The following HS6ST3 variants were observed in gnomAD, a reference collection of about 807,000 sequenced individuals.
HS6ST3 encodes the protein heparan sulfate 6-O-sulfotransferase 3.
HS6ST3 carries 12 observed loss-of-function variants against 36.7 expected under a neutral mutation model. The ratio of observed to expected loss-of-function variants is 0.33; its 90% CI spans 0.21 to 0.53. HS6ST3 has a LOEUF of 0.53. Ranked by LOEUF, HS6ST3 falls within the 20% of genes least tolerant of loss-of-function variation. HS6ST3 has a pLI of 0.95. For missense variants in HS6ST3, 584 were observed against 640.9 expected (o/e 0.91, Z 0.96); for synonymous variants, 240 against 257.5 (o/e 0.93, Z 0.65).
intron 1 of HS6ST3, among the ~76,000 whole-genome samples, chr13:96,159,789 A>C (rs1007355080): frequency 6.6e-6 from 1 of 152,208 alleles, no homozygotes; most frequent in South Asian, 2.1e-4. Flanking sequence ...TCAATCTGAT[A>C]ATAAGGCTAA....
intron 1 of HS6ST3, among the ~76,000 whole-genome samples, chr13:96,496,888 C>T (rs2055979692): frequency 6.6e-6 from 1 of 152,040 alleles, no homozygotes; most frequent in African/African-American, 2.4e-5. Flanking sequence ...AAAGCCAGGA[C>T]CAGACATAAC....
intron 1 of HS6ST3, among the ~76,000 whole-genome samples, chr13:96,112,793 T>C (rs375773129): frequency 2.2e-4 from 33 of 149,754 alleles, no homozygotes; most frequent in African/African-American, 7.6e-4. Context: ...GTGAAACATG[T>C]ATAGTGAAGA....
chr13:96,742,852 G>A (rs1876476441), intron 1 of HS6ST3, among the ~76,000 whole-genome samples: 1 of 152,076 alleles, frequency 6.6e-6, no homozygotes, highest in African/African-American at 2.4e-5. Flanking sequence ...TTTCGCTATA[G>A]CTCATGAATG....
rs76355416 is a variant in HS6ST3, at chr13:96,351,334, T to A, written c.707+259765T>A. Among the ~76,000 whole-genome samples the A allele has an allele frequency of 4.0e-3, 166 of 41,756 alleles. 3 individuals are homozygous for A. The highest frequency in any genetic ancestry group is 0.029 in the East Asian group (45 of 1,572). 27.4% of individuals were successfully genotyped at this position (41,756 alleles called of 152,430 possible). A position where few individuals can be genotyped will look rare whatever the true frequency, so the allele number is the denominator to read the frequency against. ...AAGGTGGCAGTCTTTTTTTTTTTTT[T>A]TAAAAAAAACAAGGTCTTGCTGGGT... On this transcript the variant is annotated intron_variant, in intron 1 of 1. Transcript: ENST00000376705.
At position 96,117,429 on chromosome 13, in the gene HS6ST3, C is replaced by T. The variant is rs763749825; in HGVS notation, c.707+25860C>T. Among the ~76,000 whole-genome samples the T allele has an allele frequency of 5.3e-5, 8 of 151,986 alleles. No homozygotes were observed. In the East Asian group the frequency reaches 7.7e-4, roughly 15 times the overall value. Reference sequence around the variant, plus strand: ...AAATAAAGAAAACCAGTTGTAATTGCGAAAGTATTTTAACACCAAAGAGGA... The same window carrying T: ...AAATAAAGAAAACCAGTTGTAATTGTGAAAGTATTTTAACACCAAAGAGGA... On this transcript the variant is annotated intron_variant, in intron 1 of 1. Coordinates refer to ENST00000376705, the MANE Select transcript of HS6ST3 (RefSeq NM_153456.4).
chr13:96,799,970 A>ATATATATATG (rs1878013682), intron 1 of HS6ST3, among the ~76,000 whole-genome samples: 1 of 92,632 alleles, frequency 1.1e-5, no homozygotes, highest in Non-Finnish European at 2.1e-5. Context: ...ATATGTGTAT[A>ATATATATATG]TATATATATA....
chr13:96,385,180 C>CA (rs11317656), intron 1 of HS6ST3, among the ~76,000 whole-genome samples: 38,135 of 126,928 alleles, frequency 0.3, 5,909 homozygotes, highest in Non-Finnish European at 0.39. Flanking sequence ...ACTCTGTATC[C>CA]AAAAAAAAAA....
At chr13:96,113,006 T>C (rs2053877988) in intron 1 of HS6ST3, among the ~76,000 whole-genome samples, 2 of 152,040 alleles carry the variant, frequency 1.3e-5, no homozygotes, top group Admixed American at 1.3e-4. Flanking sequence ...ACAGCTCTCT[T>C]CTGTCTTGGG....
intron 1 of HS6ST3, among the ~76,000 whole-genome samples, chr13:96,242,739 T>TA: frequency 6.6e-6 from 1 of 152,340 alleles, no homozygotes; most frequent in East Asian, 1.9e-4. Context: ...GGTAAAATGA[T>TA]ACAGCTACAA....
chr13:96,181,001 A>G (rs775998391), intron 1 of HS6ST3, among the ~76,000 whole-genome samples: 1 of 152,196 alleles, frequency 6.6e-6, no homozygotes, highest in Non-Finnish European at 1.5e-5. Context: ...CTTAATTTTT[A>G]TAAAATAACA....
chr13:96,541,075 C>A (rs2056175656), intron 1 of HS6ST3, among the ~76,000 whole-genome samples: 1 of 152,174 alleles, frequency 6.6e-6, no homozygotes, highest in South Asian at 2.1e-4. Context: ...CTCTCTCTCC[C>A]AGGCTAGAGT....
intron 1 of HS6ST3, among the ~76,000 whole-genome samples, chr13:96,191,918 G>A (rs1396751060): frequency 1.3e-5 from 2 of 152,134 alleles, no homozygotes; most frequent in African/African-American, 4.8e-5. Context: ...AGTAGAGTCA[G>A]GCATATGGAA....
At chr13:96,458,236 A>C (rs868085285) in intron 1 of HS6ST3, among the ~76,000 whole-genome samples, 1 of 152,154 alleles carries the variant, frequency 6.6e-6, no homozygotes, top group Non-Finnish European at 1.5e-5. Context: ...TCAAGAATAT[A>C]CTGGATATTA....
chr13:96,137,776 A>T (rs1340466303), intron 1 of HS6ST3, among the ~76,000 whole-genome samples: 1 of 152,158 alleles, frequency 6.6e-6, no homozygotes, highest in African/African-American at 2.4e-5. Flanking sequence ...TCCCTGTTTC[A>T]GGCCGCCCAG....
chr13:96,525,887 G>T (rs2056111825), intron 1 of HS6ST3, among the ~76,000 whole-genome samples: 1 of 152,164 alleles, frequency 6.6e-6, no homozygotes, highest in Non-Finnish European at 1.5e-5. Context: ...CAAGAACTTT[G>T]TACTTTAGTC....
At chr13:96,815,454 T>G (rs1878400302) in intron 1 of HS6ST3, among the ~76,000 whole-genome samples, 1 of 152,126 alleles carries the variant, frequency 6.6e-6, no homozygotes, top group African/African-American at 2.4e-5. Context: ...TTCAACATCT[T>G]TTTTTCGGAA....
rs191961349 is a variant in HS6ST3 at position 96,602,507 on chromosome 13, G to A, written c.708-229983G>A. Reference sequence around the variant, plus strand: ...TATAGCAGGTGTGGTGCTTGGGCAGGTCAGAAGCCTGGGCACTGCAGCAGC... The same window carrying A: ...TATAGCAGGTGTGGTGCTTGGGCAGATCAGAAGCCTGGGCACTGCAGCAGC... On this transcript the variant is annotated intron_variant, in intron 1 of 1. Transcript: ENST00000376705. Among the ~76,000 whole-genome samples the A allele has an allele frequency of 2.1e-4, 32 of 152,312 alleles. No individual in the cohort carries two copies. In the East Asian group the frequency reaches 5.8e-3, roughly 28 times the overall value.
At chr13:96,598,623 A>G (rs1282508637) in intron 1 of HS6ST3, among the ~76,000 whole-genome samples, 1 of 152,062 alleles carries the variant, frequency 6.6e-6, no homozygotes, top group East Asian at 1.9e-4. Context: ...ATCAGCAAAC[A>G]GATAGTTTGA....
At chr13:96,635,012 C>T (rs954566102) in intron 1 of HS6ST3, among the ~76,000 whole-genome samples, 41 of 152,266 alleles carry the variant, frequency 2.7e-4, no homozygotes, top group South Asian at 2.1e-4. Context: ...TCCCATTCTG[C>T]GTGTTCTTGA....
Sources: allele counts gnomAD v4.1 joint callset (sites outside exome capture counted in the v4.1 genomes callset), GRCh38; gene constraint gnomAD v4.1.1; transcripts MANE v1.5; gene names NCBI Gene and HGNC (gene_info 2026-07-23, HGNC 2026-07-21).